The following XKRX variants were observed in gnomAD, a reference collection of about 807,000 sequenced individuals.
XKRX encodes the protein XK-related protein 2.
A neutral mutation model predicts 22.4 loss-of-function variants in XKRX; 11 were observed. The observed-to-expected ratio is 0.49, with a 90% CI of 0.31 to 0.81. The LOEUF (loss-of-function observed/expected upper bound fraction) is 0.81. Among genes scored for constraint, XKRX ranks in the 40% least tolerant of loss-of-function variants. XKRX has a pLI of 0.05. For missense variants in XKRX, 320 were observed against 336.5 expected (o/e 0.95, Z 0.38); for synonymous variants, 114 against 132.2 (o/e 0.86, Z 0.94).
At chrX:100,937,069 G>A in the XKRX span, among the ~76,000 whole-genome samples, 29 of 104,814 alleles carry the variant, frequency 2.8e-4, no homozygotes, top group East Asian at 6.3e-3. Context: ...TCTGCTCACC[G>A]CAGCCTCTGC....
chrX:100,915,166 G>C, intron 2 of XKRX, 83 bp from the exon 3 acceptor site: 1 of 1,033,138 alleles, frequency 9.7e-7, no homozygotes, highest in Non-Finnish European at 1.3e-6. Flanking sequence ...CAGAGGTCCA[G>C]AGAGATGACG....
upstream of XKRX, among the ~76,000 whole-genome samples, chrX:100,931,130 C>T (rs1287726192): frequency 3.2e-5 from 3 of 94,527 alleles, no homozygotes; most frequent in Non-Finnish European, 6.3e-5. Flanking sequence ...GAAACTCCAT[C>T]TCAAAAAAAT....
At chrX:100,890,637 T>G in the XKRX span, among the ~76,000 whole-genome samples, 1 of 110,468 alleles carries the variant, frequency 9.1e-6, no homozygotes, top group Admixed American at 9.7e-5. Context: ...ATTTTATTTA[T>G]TTATTGCTGT....
the XKRX span, among the ~76,000 whole-genome samples, chrX:100,890,984 C>T: frequency 8.9e-6 from 1 of 111,941 alleles, no homozygotes; most frequent in African/African-American, 3.2e-5. Flanking sequence ...TTTAGGGGTG[C>T]TCTTTGGACT....
the XKRX span, among the ~76,000 whole-genome samples, chrX:100,897,766 A>G: frequency 3.7e-5 from 4 of 107,876 alleles, no homozygotes; most frequent in Non-Finnish European, 7.6e-5. Flanking sequence ...TGAAGGAGTC[A>G]GAATCCTTTG....
rs1277975617 is a variant in XKRX, at chrX:100,928,816, G to C, written c.-512C>G. 1 of 755,067 alleles carries C rather than the reference G, an allele frequency of 1.3e-6. No individual in the cohort carries two copies. The highest frequency in any genetic ancestry group is 1.5e-4 in the East Asian group (1 of 6,596). 62.2% of individuals were successfully genotyped at this position (755,067 alleles called of 1,213,427 possible). On this transcript the variant is annotated 5_prime_UTR_variant, in exon 1 of 3. Transcript: ENST00000372956. ...GGCAGAAGAGCGGGCGCAGAAGAAG[G>C]AGGGCAGAAGAGGGGATTCAGTTCA...
the XKRX span, among the ~76,000 whole-genome samples, chrX:100,948,976 G>A: frequency 8.9e-6 from 1 of 112,616 alleles, no homozygotes; most frequent in Non-Finnish European, 1.9e-5. Context: ...CACCTGGAAG[G>A]GGTCTGGCAG....
At chrX:100,927,947 GA>G in intron 1 of XKRX, 22 bp downstream of exon 1, 1 of 1,166,785 alleles carries the variant, frequency 8.6e-7, no homozygotes, top group Non-Finnish European at 1.1e-6. Flanking sequence ...GGGGGGTAAG[GA>G]AAAGATTTAA....
the XKRX span, among the ~76,000 whole-genome samples, chrX:100,944,092 A>C: frequency 3.6e-5 from 4 of 112,129 alleles, no homozygotes; most frequent in Non-Finnish European, 7.5e-5. Flanking sequence ...ATCTTCACCA[A>C]TACATGGTAA....
chrX:100,948,354 C>G, the XKRX span, among the ~76,000 whole-genome samples: 1 of 111,550 alleles, frequency 9.0e-6, no homozygotes. Context: ...CTCACTACTC[C>G]TCCCTCTTAA....
the XKRX span, among the ~76,000 whole-genome samples, chrX:100,949,918 A>C: frequency 8.9e-6 from 1 of 112,298 alleles, no homozygotes; most frequent in African/African-American, 3.2e-5. Context: ...AAAGAAACAG[A>C]ACATATAAAA....
chrX:100,911,592 AATC>A (rs983005444), downstream of XKRX: 5 of 468,633 alleles, frequency 1.1e-5, no homozygotes, highest in Admixed American at 3.4e-5. Context: ...ATATGTCTGC[AATC>A]ATCAAGAGAT....
chrX:100,896,820 A>G, the XKRX span, among the ~76,000 whole-genome samples: 1 of 111,278 alleles, frequency 9.0e-6, no homozygotes, highest in African/African-American at 3.3e-5. Flanking sequence ...ACAGAGTGAC[A>G]CCCTATGTAA....
At chrX:100,942,409 T>G in the XKRX span, among the ~76,000 whole-genome samples, 3 of 72,755 alleles carry the variant, frequency 4.1e-5, no homozygotes, top group African/African-American at 1.6e-4. Flanking sequence ...TAAAACTCTC[T>G]TTCTTACTCT....
chrX:100,936,540 C>CAAAAAAAAAAAAAAAAAAAAA, the XKRX span, among the ~76,000 whole-genome samples: 49 of 25,402 alleles, frequency 1.9e-3, no homozygotes, highest in East Asian at 5.3e-3. Context: ...GACTCTGTCT[C>CAAAAAAAAAAAAAAAAAAAAA]AAAAAAAAAA....
the XKRX span, among the ~76,000 whole-genome samples, chrX:100,938,649 G>A: frequency 1.1e-3 from 121 of 110,862 alleles, no homozygotes; most frequent in African/African-American, 3.8e-3. Flanking sequence ...ACAAACAACT[G>A]TGGGATTTAG....
At chrX:100,923,812 T>A (rs1335656853) in intron 1 of XKRX, among the ~76,000 whole-genome samples, 3 of 107,293 alleles carry the variant, frequency 2.8e-5, no homozygotes, top group Non-Finnish European at 5.8e-5. Flanking sequence ...AAGTTTTAGA[T>A]TCTGCTTTTT....
intron 2 of XKRX, among the ~76,000 whole-genome samples, chrX:100,920,949 C>G (rs1267316001): frequency 1.8e-5 from 2 of 109,779 alleles, no homozygotes; most frequent in African/African-American, 6.6e-5. Context: ...GACAGAGTCT[C>G]GCTCTGTTGC....
chrX:100,916,993 C>T (rs2085439483), intron 2 of XKRX, among the ~76,000 whole-genome samples: 1 of 111,890 alleles, frequency 8.9e-6, no homozygotes, highest in Non-Finnish European at 1.9e-5. Flanking sequence ...GTGGCGTGCA[C>T]CTGTATTCCC....
Sources: gnomAD v4.1 joint callset for allele counts (sites outside exome capture counted in the v4.1 genomes callset) on GRCh38, gnomAD v4.1.1 for gene constraint, MANE v1.5 for transcripts, NCBI Gene and HGNC (gene_info 2026-07-23, HGNC 2026-07-21) for gene names.